The following NBAS variants were observed in gnomAD, a reference collection of about 807,000 sequenced individuals.
NBAS encodes the protein NBAS subunit of NRZ tethering complex.
In NBAS, 219 loss-of-function variants were observed where a neutral mutation model predicts 302.5. That is an observed-to-expected ratio of 0.72 (90% CI 0.65 to 0.81). The LOEUF is 0.81. Among genes scored for constraint, NBAS ranks in the 30% least tolerant of loss-of-function variants. NBAS has a pLI of 0.00. For synonymous variants in NBAS, 1,118 were observed against 1,021.6 expected (o/e 1.09, Z -1.80); for missense variants, 2,932 against 2,841.6 (o/e 1.03, Z -0.72).
intron 43 of NBAS, among the ~76,000 whole-genome samples, chr2:15,276,202 A>C (rs1332358794): frequency 6.6e-6 from 1 of 152,196 alleles, no homozygotes; most frequent in African/African-American, 2.4e-5. Flanking sequence ...ACTTGAAGGC[A>C]AGGATTGAAT....
At chr2:14,931,717 C>T in the NBAS span, among the ~76,000 whole-genome samples, 1 of 152,198 alleles carries the variant, frequency 6.6e-6, no homozygotes, top group Admixed American at 6.5e-5. Context: ...AGTTTGGCCA[C>T]ACATTCTGTT....
At position 15,258,805 on chromosome 2, in the gene NBAS, T is replaced by C. The variant is rs187205897; in HGVS notation, c.5724+16679A>G. Among the ~76,000 whole-genome samples the C allele has an allele frequency of 1.4e-3, 214 of 152,348 alleles. 1 individual carries two copies. Among genetic ancestry groups the C allele is most frequent in the Middle Eastern group, 6.8e-3 (2 of 294 alleles). On this transcript the variant is annotated intron_variant, in intron 44 of 51. Transcript: ENST00000281513. ...GATCTTTATTGGCCTCAGAAGCATG[T>C]GATCTTTGTTCTCCTTTTTGCCCTT...
intron 38 of NBAS, among the ~76,000 whole-genome samples, chr2:15,310,206 T>G (rs1250727009): frequency 1.3e-5 from 2 of 152,096 alleles, no homozygotes; most frequent in South Asian, 2.1e-4. Flanking sequence ...GGTGGGAGGG[T>G]GAGAAGGAAA....
the NBAS span, among the ~76,000 whole-genome samples, chr2:14,790,054 C>G: frequency 6.6e-6 from 1 of 152,124 alleles, no homozygotes; most frequent in Non-Finnish European, 1.5e-5. Context: ...CTGAATCCCC[C>G]ACAACACCAC....
chr2:15,424,180 A>C, intron 23 of NBAS, 135 bp downstream of exon 23: 1 of 1,051,744 alleles, frequency 9.5e-7, no homozygotes, highest in Non-Finnish European at 1.4e-6. Context: ...ACAAAGAAAT[A>C]AATATTCAAT....
At chr2:15,179,225 G>T in intron 50 of NBAS, 109 bp from the exon 51 acceptor site, 1 of 1,528,506 alleles carries the variant, frequency 6.5e-7, no homozygotes. Context: ...GTGTGTGTGT[G>T]TGTAAAGCCA....
chr2:15,386,553 A>T (rs1292904601), intron 28 of NBAS, among the ~76,000 whole-genome samples: 1 of 152,022 alleles, frequency 6.6e-6, no homozygotes, highest in Non-Finnish European at 1.5e-5. Context: ...ACAGATCTGG[A>T]ATTTAACTGT....
At chr2:15,016,368 T>C in the NBAS span, among the ~76,000 whole-genome samples, 1 of 152,138 alleles carries the variant, frequency 6.6e-6, no homozygotes, top group Non-Finnish European at 1.5e-5. Flanking sequence ...GAGCTACAGT[T>C]TGGTTGGGGA....
chr2:15,441,587 A>C (rs1272815922), intron 21 of NBAS, among the ~76,000 whole-genome samples: 3 of 152,024 alleles, frequency 2.0e-5, no homozygotes, highest in African/African-American at 7.2e-5. Context: ...ACTAGGAAGA[A>C]ACTGCATCAA....
the NBAS span, among the ~76,000 whole-genome samples, chr2:15,074,460 G>A: frequency 3.3e-5 from 5 of 151,052 alleles, no homozygotes; most frequent in Non-Finnish European, 7.4e-5. Context: ...GAAATATCAA[G>A]GAAAAAATAA....
At chr2:14,800,791 G>GC in the NBAS span, among the ~76,000 whole-genome samples, 3 of 137,928 alleles carry the variant, frequency 2.2e-5, no homozygotes, top group African/African-American at 8.0e-5. Flanking sequence ...AATTGTTTTT[G>GC]TTTTTTTTTT....
intron 15 of NBAS, 25 bp downstream of exon 15, chr2:15,474,042 G>T: frequency 6.2e-7 from 1 of 1,613,880 alleles, no homozygotes; most frequent in Non-Finnish European, 8.5e-7. Context: ...CTTCAAACTT[G>T]GGTAGTAATA....
rs372489783 is a variant in NBAS at position 15,275,557 on chromosome 2, A to G, written c.5651T>C (p.Phe1884Ser). 3.1e-6 allele frequency: 5 copies of G among 1,613,962 alleles called. No homozygotes were observed. Among genetic ancestry groups the G allele is most frequent in the Non-Finnish European group, 3.4e-6 (4 of 1,180,014 alleles). ...LHAYDVCMKYFDRLHPGDLIT... is the reference protein window; with the variant it reads ...LHAYDVCMKYSDRLHPGDLIT... ...GAGGTCACCTGGGTGGAGACGATCA[A>G]AGTACTTCATGCAGACATCATAGGC... Residue 1884 changes from phenylalanine (F) to serine (S), a missense_variant, in exon 44 of 52, where the codon TTT (phenylalanine) becomes TCT (serine). Coordinates refer to ENST00000281513, the MANE Select transcript of NBAS (RefSeq NM_015909.4).
chr2:15,084,784 G>C, the NBAS span, among the ~76,000 whole-genome samples: 29 of 152,280 alleles, frequency 1.9e-4, no homozygotes, highest in East Asian at 4.6e-3. Flanking sequence ...TTCACTCAGG[G>C]TGTAGACCAA....
the NBAS span, among the ~76,000 whole-genome samples, chr2:15,065,297 C>T: frequency 6.6e-6 from 1 of 152,138 alleles, no homozygotes; most frequent in Admixed American, 6.5e-5. Context: ...TAACATTATA[C>T]TCACTGATGA....
chr2:14,855,163 C>A, the NBAS span, among the ~76,000 whole-genome samples: 1 of 152,080 alleles, frequency 6.6e-6, no homozygotes, highest in Non-Finnish European at 1.5e-5. Flanking sequence ...TCTAGACACA[C>A]CCTGGGACAG....
Position 15,308,420 on chromosome 2 carries a change from T to C in NBAS, c.4660-67A>G, listed in dbSNP as rs1039739515. The C allele has an allele frequency of 8.1e-5, 126 of 1,564,438 alleles. 1 individual carries two copies. The highest frequency in any genetic ancestry group is 6.9e-4 in the Middle Eastern group (4 of 5,828). ...TTATGAAGATCATTATAAACCATTA[T>C]ATTTCTAGTCATTCCTGCAGATTTT... On this transcript the variant is annotated intron_variant, in intron 39 of 51. Coordinates refer to ENST00000281513, the MANE Select transcript of NBAS (RefSeq NM_015909.4).
At chr2:15,200,374 C>T (rs780208640) in intron 48 of NBAS, among the ~76,000 whole-genome samples, 10 of 152,140 alleles carry the variant, frequency 6.6e-5, no homozygotes, top group Non-Finnish European at 1.2e-4. Context: ...GACTCTTAAG[C>T]ATGCCTTCCA....
the NBAS span, among the ~76,000 whole-genome samples, chr2:15,029,729 A>G: frequency 6.6e-6 from 1 of 152,228 alleles, no homozygotes; most frequent in South Asian, 2.1e-4. Context: ...AAATGACCCC[A>G]TCAAAGTCAC....
Sources: gnomAD v4.1 joint callset for allele counts (sites outside exome capture counted in the v4.1 genomes callset) on GRCh38, gnomAD v4.1.1 for gene constraint, MANE v1.5 for transcripts, NCBI Gene and HGNC (gene_info 2026-07-23, HGNC 2026-07-21) for gene names.